The following TMOD2 variants were observed in gnomAD, a reference collection of about 807,000 sequenced individuals.
TMOD2 encodes the protein tropomodulin-2.
A neutral mutation model predicts 39.9 loss-of-function variants in TMOD2; 22 were observed. That is an observed-to-expected ratio of 0.55 (90% CI 0.39 to 0.79). The LOEUF is 0.79. Among genes scored for constraint, TMOD2 ranks in the 30% least tolerant of loss-of-function variants. The pLI is 0.00. For missense variants in TMOD2, 386 were observed against 413.3 expected (o/e 0.93, Z 0.57); for synonymous variants, 123 against 146.1 (o/e 0.84, Z 1.14).
At chr15:51,800,402 G>T (rs1361866687) in intron 8 of TMOD2, among the ~76,000 whole-genome samples, 1 of 152,180 alleles carries the variant, frequency 6.6e-6, no homozygotes, top group Non-Finnish European at 1.5e-5. Context: ...CAGGTGTGGT[G>T]GCACATGCCT....
intron 1 of TMOD2, among the ~76,000 whole-genome samples, chr15:51,752,222 C>T (rs1245387595): frequency 1.3e-5 from 2 of 152,082 alleles, no homozygotes; most frequent in Non-Finnish European, 2.9e-5. Context: ...GTTTCAGCCT[C>T]CCAGTAAGCG....
At chr15:51,774,644 GA>G (rs1203610677) in intron 4 of TMOD2, among the ~76,000 whole-genome samples, 7 of 152,260 alleles carry the variant, frequency 4.6e-5, no homozygotes, top group Non-Finnish European at 8.8e-5. Flanking sequence ...ATGATGTCAG[GA>G]AGTTCCCATG....
At position 51,809,516 on chromosome 15, in the gene TMOD2, C is replaced by T. The variant is rs553850290; in HGVS notation, c.*1062C>T. 5 of 152,354 alleles carry T rather than the reference C, an allele frequency of 3.3e-5. No individual in the cohort carries two copies. In the South Asian group the frequency reaches 1.0e-3, roughly 32 times the overall value. The allele number at this position is 152,354 out of a possible 1,614,324, so 9.4% of individuals were successfully genotyped here. On this transcript the variant is annotated 3_prime_UTR_variant, in exon 10 of 10. Coordinates refer to ENST00000249700, the MANE Select transcript of TMOD2 (RefSeq NM_014548.4). The stretch of plus-strand genomic sequence containing the variant: ...AATTATTTATCCAGATGCATGTCAT[C>T]TCAAGGACAAAGCCTGTGAAAGTAC...
chr15:51,782,406 C>T (rs1192111070), intron 6 of TMOD2, among the ~76,000 whole-genome samples: 2 of 152,090 alleles, frequency 1.3e-5, no homozygotes, highest in African/African-American at 2.4e-5. Context: ...GTGGCAAATA[C>T]GTCAGTCTGG....
At position 51,754,513 on chromosome 15, in the gene TMOD2, C is replaced by T. The variant is rs545260455; in HGVS notation, c.-70+2801C>T. 2.0e-4 allele frequency among the ~76,000 whole-genome samples: 30 copies of T among 152,304 alleles called. No homozygotes were observed. The East Asian group carries it at 4.6e-3, about 23-fold the overall frequency. On this transcript the variant is annotated intron_variant, in intron 1 of 9. Coordinates refer to ENST00000249700, the MANE Select transcript of TMOD2 (RefSeq NM_014548.4). ...CTCTTACAACACTTAATCTCTTACA[C>T]GGAATCCCTTGCTGCAAAGATATTT...
chr15:51,763,127 C>T (rs558732291), intron 1 of TMOD2, among the ~76,000 whole-genome samples: 5 of 152,034 alleles, frequency 3.3e-5, no homozygotes, highest in East Asian at 3.9e-4. Flanking sequence ...ATTGTAGAAA[C>T]GGGGTCTCAC....
intron 4 of TMOD2, among the ~76,000 whole-genome samples, chr15:51,775,382 C>T (rs548752789): frequency 7.2e-5 from 11 of 152,076 alleles, no homozygotes; most frequent in Admixed American, 2.0e-4. Context: ...ATCCATTAGC[C>T]CATTTCACAG....
intron 3 of TMOD2, among the ~76,000 whole-genome samples, chr15:51,772,732 A>G (rs575630841): frequency 4.6e-5 from 7 of 152,150 alleles, no homozygotes; most frequent in East Asian, 1.9e-4. Flanking sequence ...AGAGGTGGCT[A>G]TGTCCCCAGG....
intron 7 of TMOD2, chr15:51,783,389 G>A (rs1444016439): frequency 2.6e-5 from 4 of 152,642 alleles, no homozygotes; most frequent in African/African-American, 9.7e-5. Flanking sequence ...GACTGAGGCA[G>A]AAGAATCACT....
chr15:51,757,383 C>T (rs140350849), intron 1 of TMOD2, among the ~76,000 whole-genome samples: 2,124 of 131,168 alleles, frequency 0.016, 79 homozygotes, highest in Admixed American at 0.087. Flanking sequence ...GCCTGGGCGA[C>T]ACAGCCAGAC....
chr15:51,754,804 G>C (rs1240197095), intron 1 of TMOD2, among the ~76,000 whole-genome samples: 1 of 152,182 alleles, frequency 6.6e-6, no homozygotes, highest in Non-Finnish European at 1.5e-5. Context: ...GATGTAAATG[G>C]GGTGGGAATG....
Position 51,794,094 on chromosome 15 carries a change from A to G in TMOD2, c.733-4103A>G, listed in dbSNP as rs555980995. 1.2e-3 allele frequency among the ~76,000 whole-genome samples: 176 copies of G among 152,276 alleles called. 2 individuals carry two copies. Among genetic ancestry groups the G allele is most frequent in the African/African-American group, 4.1e-3 (169 of 41,562 alleles). On this transcript the variant is annotated intron_variant, in intron 7 of 9. Transcript: ENST00000249700. ...CTAGGGCAATTTTGCCCTCCAGGGGACAATAGGCAGCATCTGGAGATATTT... is the reference window on the plus strand; with the variant it reads ...CTAGGGCAATTTTGCCCTCCAGGGGGCAATAGGCAGCATCTGGAGATATTT...
chr15:51,767,864 C>T (rs1273986598), intron 2 of TMOD2, among the ~76,000 whole-genome samples: 2 of 152,232 alleles, frequency 1.3e-5, no homozygotes, highest in Non-Finnish European at 2.9e-5. Flanking sequence ...AGCTTTACTG[C>T]TTCTGCAGGA....
At chr15:51,756,987 G>T (rs1487178927) in intron 1 of TMOD2, among the ~76,000 whole-genome samples, 1 of 152,226 alleles carries the variant, frequency 6.6e-6, no homozygotes, top group African/African-American at 2.4e-5. Context: ...TGTTTTGTTG[G>T]AGGATACATT....
At chr15:51,793,214 A>T (rs1191673058) in intron 7 of TMOD2, among the ~76,000 whole-genome samples, 1 of 152,228 alleles carries the variant, frequency 6.6e-6, no homozygotes, top group Non-Finnish European at 1.5e-5. Context: ...CCTCATCATA[A>T]GTCAAGGAGC....
chr15:51,798,538 G>A (rs1422850935), intron 8 of TMOD2, among the ~76,000 whole-genome samples, 198 bp downstream of exon 8: 1 of 152,228 alleles, frequency 6.6e-6, no homozygotes, highest in Non-Finnish European at 1.5e-5. Context: ...ACAATGTACA[G>A]TGGGGCAGCC....
chr15:51,795,174 AC>A, intron 7 of TMOD2, among the ~76,000 whole-genome samples: 1 of 152,134 alleles, frequency 6.6e-6, no homozygotes, highest in Non-Finnish European at 1.5e-5. Flanking sequence ...TAATCCCAGC[AC>A]TTTGGGAGGC....
chr15:51,778,507 T>TAAAAAAAA (rs34176952), intron 5 of TMOD2, among the ~76,000 whole-genome samples: 1 of 138,936 alleles, frequency 7.2e-6, no homozygotes, highest in African/African-American at 2.6e-5. Context: ...AATTAAAAAT[T>TAAAAAAAA]AAAAAAAAAA....
At chr15:51,770,200 T>C (rs913366331) in intron 3 of TMOD2, among the ~76,000 whole-genome samples, 1 of 152,178 alleles carries the variant, frequency 6.6e-6, no homozygotes, top group East Asian at 1.9e-4. Flanking sequence ...CTGAACCTGC[T>C]GAGTTCTTTT....
Sources: allele counts gnomAD v4.1 joint callset (sites outside exome capture counted in the v4.1 genomes callset), GRCh38; gene constraint gnomAD v4.1.1; transcripts MANE v1.5; gene names NCBI Gene and HGNC (gene_info 2026-07-23, HGNC 2026-07-21).